Variants in ADGRB3 observed in about 807,000 individuals in gnomAD.
ADGRB3 encodes brain-specific angiogenesis inhibitor 3.
A neutral mutation model predicts 193.4 loss-of-function variants in ADGRB3; 37 were observed. That is an observed-to-expected ratio of 0.19 (90% CI 0.15 to 0.25). The LOEUF (loss-of-function observed/expected upper bound fraction) is 0.25, where lower values mean the gene tolerates loss of function less well. Ranked by LOEUF, ADGRB3 falls within the 10% of genes least tolerant of loss-of-function variation. The pLI, the probability that ADGRB3 is intolerant of heterozygous loss-of-function variation, is 1.00. For missense variants in ADGRB3, 1,637 were observed against 1,852.9 expected (o/e 0.88, Z 2.14); for synonymous variants, 690 against 644.2 (o/e 1.07, Z -1.08).
At chr6:69,272,082 G>A (rs375445955) in intron 20 of ADGRB3, among the ~76,000 whole-genome samples, 4 of 152,074 alleles carry the variant, frequency 2.6e-5, no homozygotes, top group East Asian at 3.8e-4. Context: ...TAAAACAAAA[G>A]AGCAAACATG....
At chr6:69,004,024 C>A (rs548044923) in intron 11 of ADGRB3, among the ~76,000 whole-genome samples, 3 of 152,058 alleles carry the variant, frequency 2.0e-5, no homozygotes, top group Non-Finnish European at 4.4e-5. Context: ...TTACCTTTTC[C>A]GAAGCTCCTA....
chr6:68,810,667 C>T (rs1242598030), intron 3 of ADGRB3, among the ~76,000 whole-genome samples: 1 of 151,872 alleles, frequency 6.6e-6, no homozygotes, highest in Non-Finnish European at 1.5e-5. Context: ...ATACAAAATA[C>T]ATGGTGGTGA....
chr6:69,217,482 G>A (rs534012211), intron 17 of ADGRB3, among the ~76,000 whole-genome samples: 16 of 152,178 alleles, frequency 1.1e-4, no homozygotes, highest in Non-Finnish European at 2.2e-4. Flanking sequence ...TTATTTCTGA[G>A]TGTTGCAGTC....
chr6:69,262,844 T>C (rs889127671), intron 20 of ADGRB3, among the ~76,000 whole-genome samples: 1 of 151,914 alleles, frequency 6.6e-6, no homozygotes, highest in African/African-American at 2.4e-5. Flanking sequence ...ATATTATAGA[T>C]AGGGTTTGGT....
intron 3 of ADGRB3, among the ~76,000 whole-genome samples, chr6:68,713,317 A>G (rs1299005833): frequency 1.3e-5 from 2 of 151,820 alleles, no homozygotes; most frequent in African/African-American, 4.8e-5. Flanking sequence ...ACTTGCTCTC[A>G]TTGAAAATGC....
intron 17 of ADGRB3, among the ~76,000 whole-genome samples, chr6:69,126,631 T>TC (rs1209398034): frequency 8.5e-5 from 13 of 152,202 alleles, no homozygotes; most frequent in African/African-American, 3.1e-4. Context: ...CTGCCAACAT[T>TC]GGAGGAGGGT....
intron 17 of ADGRB3, among the ~76,000 whole-genome samples, chr6:69,228,366 C>G (rs1051075294): frequency 1.3e-5 from 2 of 152,168 alleles, no homozygotes; most frequent in Admixed American, 6.5e-5. Flanking sequence ...CTCAAAAGCA[C>G]TAGTATTCTC....
chr6:68,771,231 GCA>G (rs1328829502), intron 3 of ADGRB3, among the ~76,000 whole-genome samples: 2 of 151,990 alleles, frequency 1.3e-5, no homozygotes, highest in Non-Finnish European at 2.9e-5. Context: ...ATTATTGAAT[GCA>G]CAGTGTTTTC....
At chr6:68,641,282 A>ACAC (rs1768077483) in intron 3 of ADGRB3, among the ~76,000 whole-genome samples, 1 of 152,196 alleles carries the variant, frequency 6.6e-6, no homozygotes, top group Non-Finnish European at 1.5e-5. Flanking sequence ...GTGTGCATTA[A>ACAC]GCATGATTTT....
intron 3 of ADGRB3, among the ~76,000 whole-genome samples, chr6:68,646,490 A>G (rs577301586): frequency 1.7e-4 from 26 of 151,160 alleles, no homozygotes; most frequent in Admixed American, 1.3e-3. Flanking sequence ...AAAAAAAAAA[A>G]AAAGAAAAAA....
chr6:69,296,561 G>T (rs1452378817), intron 20 of ADGRB3, among the ~76,000 whole-genome samples: 2 of 152,090 alleles, frequency 1.3e-5, no homozygotes, highest in Admixed American at 1.3e-4. Flanking sequence ...AACACAGGAG[G>T]CAAAGAAAAC....
intron 20 of ADGRB3, among the ~76,000 whole-genome samples, chr6:69,308,147 G>T (rs1768103848): frequency 6.6e-6 from 1 of 151,592 alleles, no homozygotes; most frequent in South Asian, 2.1e-4. Flanking sequence ...CAAAGGAAAT[G>T]AGACCTGGAA....
chr6:69,287,515 G>T (rs958922255), intron 20 of ADGRB3, among the ~76,000 whole-genome samples: 6 of 152,122 alleles, frequency 3.9e-5, no homozygotes, highest in Non-Finnish European at 8.8e-5. Flanking sequence ...CATGTAACAG[G>T]CATCAAACTA....
chr6:69,261,656 TCTAAA>T (rs1766931765), intron 20 of ADGRB3, among the ~76,000 whole-genome samples: 1 of 152,072 alleles, frequency 6.6e-6, no homozygotes, highest in African/African-American at 2.4e-5. Context: ...AGAATTATCT[TCTAAA>T]CTATTTTGTG....
chr6:69,318,915 T>C (rs1768377844), intron 20 of ADGRB3, among the ~76,000 whole-genome samples: 1 of 150,886 alleles, frequency 6.6e-6, no homozygotes, highest in Admixed American at 6.6e-5. Context: ...TTATTTATTT[T>C]GCTTTTTCTC....
chr6:68,639,471 C>G, intron 3 of ADGRB3, 39 bp downstream of exon 3: 1 of 1,531,246 alleles, frequency 6.5e-7, no homozygotes, highest in Non-Finnish European at 8.7e-7. Context: ...CGGGGGAGCA[C>G]TTTTGGGGGA....
At chr6:69,232,656 A>G (rs1766168662) in intron 17 of ADGRB3, 4 of 1,527,900 alleles carry the variant, frequency 2.6e-6, no homozygotes, top group Non-Finnish European at 3.5e-6. Flanking sequence ...TCCCCTGGAT[A>G]CCAGGCAAAG....
intron 17 of ADGRB3, among the ~76,000 whole-genome samples, chr6:69,087,726 A>G (rs2095866522): frequency 6.6e-6 from 1 of 152,226 alleles, no homozygotes; most frequent in African/African-American, 2.4e-5. Flanking sequence ...AAAAAAGAAT[A>G]GGTAGAAAGA....
intron 3 of ADGRB3, among the ~76,000 whole-genome samples, chr6:68,650,050 T>A (rs1768312771): frequency 6.6e-6 from 1 of 152,220 alleles, no homozygotes; most frequent in Admixed American, 6.5e-5. Flanking sequence ...GGTTTCTTAC[T>A]GGGACCCTGA....
Sources: gnomAD v4.1 joint callset for allele counts (sites outside exome capture counted in the v4.1 genomes callset) on GRCh38, gnomAD v4.1.1 for gene constraint, MANE v1.5 for transcripts, NCBI Gene and HGNC (gene_info 2026-07-23, HGNC 2026-07-21) for gene names.